Variants in DOP1B observed in about 807,000 individuals in gnomAD.
DOP1B encodes the protein DOP1 leucine zipper like protein B.
DOP1B carries 174 observed loss-of-function variants against 233.5 expected under a neutral mutation model. The ratio of observed to expected loss-of-function variants is 0.75; its 90% CI spans 0.66 to 0.85. DOP1B has a LOEUF of 0.85. DOP1B is among the 40% of genes least tolerant of loss of function. DOP1B has a pLI of 0.00. For missense variants in DOP1B, 2,652 were observed against 2,846.6 expected, an observed-to-expected ratio of 0.93 and a Z score of 1.56; for synonymous variants, 1,190 against 1,185.6, an observed-to-expected ratio of 1.00 and a Z score of -0.08.
intron 2 of DOP1B, among the ~76,000 whole-genome samples, chr21:36,165,438 GTGTA>G (rs1368281752): frequency 6.6e-6 from 1 of 152,158 alleles, no homozygotes; most frequent in Non-Finnish European, 1.5e-5. Flanking sequence ...GTGCATGTGT[GTGTA>G]TGGGGTCAGA....
chr21:36,198,430 CA>C (rs374202097), intron 2 of DOP1B, among the ~76,000 whole-genome samples: 2,375 of 130,288 alleles, frequency 0.018, 41 homozygotes, highest in African/African-American at 0.06. Flanking sequence ...CTGCATCTCA[CA>C]AAAAAAAAAA....
intron 17 of DOP1B, 123 bp downstream of exon 17, chr21:36,238,824 C>G (rs149325664): frequency 1.1e-6 from 1 of 918,880 alleles, no homozygotes. Context: ...CCCATATGAC[C>G]GGGTGTGGTG....
intron 5 of DOP1B, 130 bp downstream of exon 5, chr21:36,209,034 G>A (rs985660115): frequency 1.8e-6 from 2 of 1,084,630 alleles, no homozygotes; most frequent in South Asian, 2.1e-5. Flanking sequence ...TTAAGTCTGG[G>A]TAACGAACGG....
At chr21:36,285,420 A>G (rs912920893) in intron 32 of DOP1B, among the ~76,000 whole-genome samples, 6 of 151,588 alleles carry the variant, frequency 4.0e-5, no homozygotes, top group African/African-American at 1.5e-4. Context: ...CTATATTTCT[A>G]AAAATACTAC....
intron 2 of DOP1B, among the ~76,000 whole-genome samples, chr21:36,194,822 T>A (rs1351017685): frequency 6.6e-6 from 1 of 152,090 alleles, no homozygotes; most frequent in Non-Finnish European, 1.5e-5. Context: ...AACTGCAGCT[T>A]GTCTCTCTTG....
intron 32 of DOP1B, among the ~76,000 whole-genome samples, chr21:36,283,093 T>C (rs1463238489): frequency 4.0e-5 from 6 of 151,854 alleles, no homozygotes; most frequent in Non-Finnish European, 8.8e-5. Context: ...GTTTTTGTTT[T>C]CATTTTGAGC....
chr21:36,216,467 C>T (rs1041592062), intron 9 of DOP1B, among the ~76,000 whole-genome samples: 43 of 152,054 alleles, frequency 2.8e-4, no homozygotes, highest in Middle Eastern at 6.8e-3. Context: ...AAAAATTAGC[C>T]AGGCATGACA....
intron 2 of DOP1B, among the ~76,000 whole-genome samples, chr21:36,176,703 T>G (rs1050156671): frequency 3.3e-5 from 5 of 152,184 alleles, no homozygotes; most frequent in African/African-American, 7.2e-5. Flanking sequence ...CTAGATCCTG[T>G]ACCTCTGCAG....
chr21:36,292,332 C>T, intron 36 of DOP1B, 99 bp downstream of exon 36: 1 of 921,688 alleles, frequency 1.1e-6, no homozygotes, highest in Non-Finnish European at 1.6e-6. Context: ...TCTTCGCTTA[C>T]TGCAGCCTCC....
At chr21:36,157,807 C>A (rs993682168) in intron 1 of DOP1B, among the ~76,000 whole-genome samples, 1 of 152,176 alleles carries the variant, frequency 6.6e-6, no homozygotes, top group South Asian at 2.1e-4. Flanking sequence ...TATCTGTTAT[C>A]TGTTGCTAAA....
At chr21:36,270,305 C>T in intron 27 of DOP1B, 148 bp downstream of exon 27, 1 of 863,296 alleles carries the variant, frequency 1.2e-6, no homozygotes, top group South Asian at 1.8e-5. Context: ...GTAATCCCAG[C>T]ACTTTGGGAG....
At chr21:36,280,613 C>T (rs1167598479) in intron 31 of DOP1B, among the ~76,000 whole-genome samples, 1 of 152,182 alleles carries the variant, frequency 6.6e-6, no homozygotes, top group Non-Finnish European at 1.5e-5. Flanking sequence ...CACATCTTGA[C>T]ATTTGTGCTG....
chr21:36,169,128 G>A, intron 2 of DOP1B: 1 of 895,316 alleles, frequency 1.1e-6, no homozygotes, highest in Non-Finnish European at 1.8e-6. Flanking sequence ...GTCTGCACCA[G>A]CAAAGATGTG....
intron 27 of DOP1B, among the ~76,000 whole-genome samples, 160 bp from the exon 28 acceptor site, chr21:36,276,861 A>G (rs2067355289): frequency 1.3e-5 from 2 of 149,708 alleles, no homozygotes; most frequent in African/African-American, 2.5e-5. Context: ...AAAAAAAAAG[A>G]AAAAGCTGAA....
At chr21:36,254,580 T>C (rs2067071079) in intron 23 of DOP1B, among the ~76,000 whole-genome samples, 1 of 152,184 alleles carries the variant, frequency 6.6e-6, no homozygotes, top group Non-Finnish European at 1.5e-5. Context: ...TCTGTCTTTC[T>C]TGATGATTCT....
intron 11 of DOP1B, 24 bp from the exon 12 acceptor site, chr21:36,225,541 T>C: frequency 1.9e-6 from 3 of 1,613,662 alleles, no homozygotes; most frequent in Non-Finnish European, 2.5e-6. Flanking sequence ...AAAGAATGGA[T>C]TTTTTCTTTG....
intron 12 of DOP1B, 97 bp from the exon 13 acceptor site, chr21:36,227,589 A>G (rs935114317): frequency 3.8e-6 from 4 of 1,042,332 alleles, no homozygotes; most frequent in African/African-American, 3.2e-5. Context: ...TGTGAAATTT[A>G]TGCCCTAAAA....
chr21:36,260,196 A>G (rs1459963698), intron 23 of DOP1B, among the ~76,000 whole-genome samples: 1 of 149,016 alleles, frequency 6.7e-6, no homozygotes, highest in African/African-American at 2.5e-5. Context: ...CAAAGAAAGA[A>G]AAAGGAAAGG....
At chr21:36,288,421 G>C (rs1161184379) in intron 33 of DOP1B, among the ~76,000 whole-genome samples, 1 of 152,072 alleles carries the variant, frequency 6.6e-6, no homozygotes, top group Non-Finnish European at 1.5e-5. Flanking sequence ...GGCTGGGCGT[G>C]GTAGCTTATG....
Sources: allele counts gnomAD v4.1 joint callset (sites outside exome capture counted in the v4.1 genomes callset), GRCh38; gene constraint gnomAD v4.1.1; transcripts MANE v1.5; gene names NCBI Gene and HGNC (gene_info 2026-07-23, HGNC 2026-07-21).